The following ANKRD31 variants were observed in gnomAD, a reference collection of about 807,000 sequenced individuals.
The protein encoded by ANKRD31 is ankyrin repeat domain-containing protein 31.
In ANKRD31, 147 loss-of-function variants were observed where a neutral mutation model predicts 186.0. The observed-to-expected ratio is 0.79, with a 90% CI of 0.69 to 0.91. The LOEUF (loss-of-function observed/expected upper bound fraction) is 0.91. Among genes scored for constraint, ANKRD31 ranks in the 40% least tolerant of loss-of-function variants. The pLI, the probability that ANKRD31 is intolerant of heterozygous loss-of-function variation, is 0.00. For synonymous variants in ANKRD31, 673 were observed against 736.4 expected (o/e 0.91, Z 1.39); for missense variants, 1,986 against 2,148.8 (o/e 0.92, Z 1.50).
At chr5:75,091,877 C>G (rs903252948) in intron 22 of ANKRD31, among the ~76,000 whole-genome samples, 1 of 152,176 alleles carries the variant, frequency 6.6e-6, no homozygotes, top group Admixed American at 6.5e-5. Flanking sequence ...ACAGAGGCTC[C>G]ACCTTTGGCA....
At chr5:75,114,812 T>C (rs1181433174) in intron 19 of ANKRD31, among the ~76,000 whole-genome samples, 4 of 152,132 alleles carry the variant, frequency 2.6e-5, no homozygotes, top group African/African-American at 7.2e-5. Flanking sequence ...GAATCAATAT[T>C]GTGAAAATGG....
chr5:75,165,719 G>A (rs1431660481), intron 11 of ANKRD31, among the ~76,000 whole-genome samples: 1 of 152,048 alleles, frequency 6.6e-6, no homozygotes, highest in East Asian at 1.9e-4. Flanking sequence ...AAGATAAAAT[G>A]AGCCAAAACC....
Position 75,188,565 on chromosome 5 carries a change from G to GAGC in ANKRD31, c.1489_1491dup (p.Ala497dup), listed in dbSNP as rs1754891666. ...TGAACAAGATCAGCATCATCGTGTA[G>GAGC]AGCAGCCTTATATACTAAGTTCTCT... On this transcript the variant is annotated inframe_insertion, in exon 10 of 26. Coordinates refer to ENST00000506364, the MANE Select transcript of ANKRD31 (RefSeq NM_001372053.1). 1.3e-6 allele frequency: 2 copies of GAGC among 1,536,320 alleles called. No individual in the cohort carries two copies. The highest frequency in any genetic ancestry group is 2.4e-5 in the South Asian group (2 of 83,976).
chr5:75,111,124 A>G (rs1190286708), intron 20 of ANKRD31, among the ~76,000 whole-genome samples: 2 of 151,796 alleles, frequency 1.3e-5, no homozygotes, highest in African/African-American at 2.4e-5. Flanking sequence ...AAAAATGCAA[A>G]ATTACCATAT....
In ANKRD31 at chr5:75,196,017, T is replaced by TA; in HGVS notation, c.630dup (p.Lys211Ter). On this transcript the variant is annotated frameshift_variant, in exon 7 of 26. Transcript: ENST00000506364. LOFTEE classifies it high-confidence loss of function. ...GTTTCAAGAGAGCTTTCTTCATCCT[T>TA]AGTTTCTTCAGAAGTCATGGTCATT... The TA allele has an allele frequency of 3.3e-6, 5 of 1,533,640 alleles. No individual in the cohort carries two copies. The highest frequency in any genetic ancestry group is 4.4e-6 in the Non-Finnish European group (5 of 1,145,718).
chr5:75,149,341 A>AT (rs1398013266), intron 12 of ANKRD31, among the ~76,000 whole-genome samples: 1 of 151,970 alleles, frequency 6.6e-6, no homozygotes, highest in African/African-American at 2.4e-5. Flanking sequence ...TATGTGATAC[A>AT]TAACACAAAT....
Position 75,236,805 on chromosome 5 carries a change from A to G in ANKRD31, c.-119T>C, listed in dbSNP as rs955300874. The G allele has an allele frequency of 3.4e-5, 29 of 864,510 alleles. No individual in the cohort carries two copies. The highest frequency in any genetic ancestry group is 5.0e-5 in the Non-Finnish European group (29 of 584,642). The allele number at this position is 864,510 out of a possible 1,614,324, so 53.6% of individuals were successfully genotyped here. A position where few individuals can be genotyped will look rare whatever the true frequency, so the allele number is the denominator to read the frequency against. On this transcript the variant is annotated 5_prime_UTR_variant, in exon 1 of 26. Transcript: ENST00000506364. ...TTAAAAATAAAAATAATATAATCGC[A>G]GCAGGAGCCGGGACTTGTCGCAGGG...
intron 17 of ANKRD31, among the ~76,000 whole-genome samples, chr5:75,130,452 A>AAGAGAGCTGATTGGTCCATTTTAC (rs1156280622): frequency 1.3e-5 from 2 of 152,134 alleles, no homozygotes; most frequent in African/African-American, 2.4e-5. Flanking sequence ...GTCCACTTTA[A>AAGAGAGCTGATTGGTCCATTTTAC]AGAGAGCTGA....
intron 11 of ANKRD31, among the ~76,000 whole-genome samples, chr5:75,160,805 A>T (rs566048508): frequency 6.6e-6 from 1 of 152,302 alleles, no homozygotes; most frequent in South Asian, 2.1e-4. Flanking sequence ...CAGTGTTCTC[A>T]TGGTAATGAA....
intron 10 of ANKRD31, among the ~76,000 whole-genome samples, chr5:75,187,927 A>G (rs940020258): frequency 3.3e-5 from 5 of 152,210 alleles, no homozygotes; most frequent in African/African-American, 2.4e-5. Context: ...GTACTTAAGT[A>G]CCTTTAAGGA....
At chr5:75,106,955 G>C (rs1747373176) in intron 21 of ANKRD31, among the ~76,000 whole-genome samples, 1 of 151,734 alleles carries the variant, frequency 6.6e-6, no homozygotes, top group Non-Finnish European at 1.5e-5. Flanking sequence ...TGTGAATAAA[G>C]AATAGGGAGT....
intron 1 of ANKRD31, among the ~76,000 whole-genome samples, chr5:75,232,747 C>T (rs560630438): frequency 1.3e-5 from 2 of 152,146 alleles, no homozygotes; most frequent in Admixed American, 6.5e-5. Flanking sequence ...ACAGAATATG[C>T]CACCCCAAAA....
chr5:75,128,525 G>A (rs1032950432), intron 17 of ANKRD31, among the ~76,000 whole-genome samples: 1 of 97,394 alleles, frequency 1.0e-5, no homozygotes, highest in Non-Finnish European at 1.9e-5. Context: ...TTATTTTTGA[G>A]ATGGAGTCTG....
intron 17 of ANKRD31, among the ~76,000 whole-genome samples, chr5:75,123,504 C>CA (rs1282330986): frequency 3.3e-5 from 5 of 151,890 alleles, no homozygotes; most frequent in Non-Finnish European, 7.4e-5. Flanking sequence ...GCAAATAGAA[C>CA]AAAGCTAGAG....
At chr5:75,107,779 G>A (rs1747453443) in intron 20 of ANKRD31, among the ~76,000 whole-genome samples, 162 bp from the exon 21 acceptor site, 1 of 151,874 alleles carries the variant, frequency 6.6e-6, no homozygotes, top group Non-Finnish European at 1.5e-5. Flanking sequence ...ATTTAACAAT[G>A]TCAATCTATG....
intron 10 of ANKRD31, among the ~76,000 whole-genome samples, chr5:75,172,974 T>C (rs2150197202): frequency 6.6e-6 from 1 of 152,284 alleles, no homozygotes; most frequent in African/African-American, 2.4e-5. Context: ...TGAACATTGA[T>C]GCAAAAATCC....
intron 2 of ANKRD31, among the ~76,000 whole-genome samples, chr5:75,229,864 C>CA (rs1210080751): frequency 0.026 from 959 of 37,320 alleles, 39 homozygotes; most frequent in Admixed American, 0.063. Flanking sequence ...GACTCTGTCT[C>CA]AAAAAAAAAA....
At position 75,118,163 on chromosome 5, in the gene ANKRD31, A is replaced by G. The variant is rs1453304178; in HGVS notation, c.4011T>C (p.Asn1337=). 2.6e-6 allele frequency: 4 copies of G among 1,509,592 alleles called. No individual in the cohort carries two copies. The African/African-American group carries it at 4.2e-5, about 16-fold the overall frequency. 93.5% of individuals were successfully genotyped at this position (1,509,592 alleles called of 1,614,324 possible). The change falls in exon 18 of 26, where the codon AAT becomes AAC. Residue 1337 remains asparagine, a synonymous_variant. Coordinates refer to ENST00000506364, the MANE Select transcript of ANKRD31 (RefSeq NM_001372053.1). Reference sequence around the variant, plus strand: ...TGACTATAGCATCACTCTCATCTCTATTAACAGTCTCAATAGCACCATAAG... The same window carrying G: ...TGACTATAGCATCACTCTCATCTCTGTTAACAGTCTCAATAGCACCATAAG... The part of the protein sequence containing the change: ...LRSYGAIETV[N]RDESDAIVNE...
rs1176629459 is a variant in ANKRD31 at position 75,229,168 on chromosome 5, A to T, written c.178+1394T>A. ...TCTGAACAGTGACTATCAGTGATAG[A>T]TTTTTCTAGAAATGTTTAAATCAAC... On this transcript the variant is annotated intron_variant, in intron 2 of 25. Coordinates refer to ENST00000506364, the MANE Select transcript of ANKRD31 (RefSeq NM_001372053.1). Among the ~76,000 whole-genome samples the T allele has an allele frequency of 2.0e-5, 3 of 152,154 alleles. No individual in the cohort carries two copies. In the East Asian group the frequency reaches 5.8e-4, roughly 29 times the overall value.
Sources: allele counts gnomAD v4.1 joint callset (sites outside exome capture counted in the v4.1 genomes callset), GRCh38; gene constraint gnomAD v4.1.1; transcripts MANE v1.5; gene names NCBI Gene and HGNC (gene_info 2026-07-23, HGNC 2026-07-21).